The following CIB1 variants were observed in gnomAD, a reference collection of about 807,000 sequenced individuals.
CIB1 encodes the protein calcium and integrin binding 1, also known as calcium and integrin-binding protein 1.
In CIB1, 19 loss-of-function variants were observed where a neutral mutation model predicts 25.0. The ratio of observed to expected loss-of-function variants is 0.76; its 90% confidence interval spans 0.53 to 1.12. The LOEUF is 1.12. CIB1 is among the 50% of genes most tolerant of loss of function. The probability of loss-of-function intolerance (pLI) is 0.00; values close to 1 mark genes in which losing one functional copy is unlikely to be tolerated. For missense variants in CIB1, 236 were observed against 242.6 expected (o/e 0.97, Z 0.18); for synonymous variants, 104 against 98.5 (o/e 1.06, Z -0.33).
At chr15:90,257,779 T>G in the CIB1 span, 2 of 1,556,660 alleles carry the variant, frequency 1.3e-6, no homozygotes, top group African/African-American at 1.4e-5. Flanking sequence ...ACAGTCCCAG[T>G]AGCCCATGAA....
chr15:90,262,519 G>A, the CIB1 span: 2 of 1,517,850 alleles, frequency 1.3e-6, no homozygotes, highest in Non-Finnish European at 1.8e-6. Context: ...TCCGCCTTAA[G>A]CAGGAACAGC....
chr15:90,233,317 GAAGGAGCCGGGCTCCCC>G (rs1962547771), intron 2 of CIB1, among the ~76,000 whole-genome samples: 1 of 152,270 alleles, frequency 6.6e-6, no homozygotes, highest in Non-Finnish European at 1.5e-5. Flanking sequence ...AAAGTTGGGA[GAAGGAGCCGGGCTCCCC>G]AAGGCTTCTG....
At chr15:90,248,841 G>A in the CIB1 span, among the ~76,000 whole-genome samples, 3 of 150,330 alleles carry the variant, frequency 2.0e-5, no homozygotes, top group South Asian at 6.3e-4. Flanking sequence ...GTGACAAGTT[G>A]AGCTGAGTTG....
At chr15:90,264,922 G>A in the CIB1 span, 3 of 1,536,098 alleles carry the variant, frequency 2.0e-6, no homozygotes, top group Non-Finnish European at 2.6e-6. Flanking sequence ...CTGCACCCAT[G>A]CTGCAGCGTT....
At chr15:90,258,386 TG>T in the CIB1 span, 1 of 896,502 alleles carries the variant, frequency 1.1e-6, no homozygotes, top group Non-Finnish European at 1.8e-6. Flanking sequence ...GTGAAAGCCC[TG>T]GGGTGGGCAG....
the CIB1 span, among the ~76,000 whole-genome samples, chr15:90,254,175 AGAGT>A: frequency 7.1e-6 from 1 of 141,138 alleles, no homozygotes; most frequent in Non-Finnish European, 1.5e-5. Context: ...CCTGTGTGAC[AGAGT>A]GAGACCCTGT....
chr15:90,253,443 C>T, the CIB1 span: 1 of 1,011,934 alleles, frequency 9.9e-7, no homozygotes. Context: ...TGCCCAGGCA[C>T]CCAAGACTGC....
chr15:90,264,973 G>C, the CIB1 span: 2 of 1,532,488 alleles, frequency 1.3e-6, no homozygotes, highest in East Asian at 2.4e-5. Flanking sequence ...GGTAAAAGCA[G>C]GAGGGAAGCA....
chr15:90,256,599 TTCTTTCTTTCC>T, the CIB1 span, among the ~76,000 whole-genome samples: 1 of 33,402 alleles, frequency 3.0e-5, no homozygotes, highest in Non-Finnish European at 5.7e-5. Context: ...CTTTCTTTCT[TTCTTTCTTTCC>T]TTCCTTCCTT....
At chr15:90,241,388 C>T in the CIB1 span, 2 of 1,613,892 alleles carry the variant, frequency 1.2e-6, no homozygotes, top group East Asian at 2.2e-5. Context: ...TCAACGTCAG[C>T]CCCCTGGAGT....
the CIB1 span, chr15:90,249,956 T>TTTATTTATTTAC: frequency 6.6e-6 from 1 of 151,636 alleles, no homozygotes; most frequent in African/African-American, 2.4e-5. Context: ...ATTTTATTTA[T>TTTATTTATTTAC]TTATTTATTT....
the CIB1 span, chr15:90,256,186 A>G: frequency 6.2e-7 from 1 of 1,614,192 alleles, no homozygotes; most frequent in Non-Finnish European, 8.5e-7. Flanking sequence ...AAGCCCGCAC[A>G]TATATCTGCA....
At chr15:90,234,783 C>T (rs1962596863), upstream of CIB1, among the ~76,000 whole-genome samples, 1 of 152,170 alleles carries the variant, frequency 6.6e-6, no homozygotes, top group Non-Finnish European at 1.5e-5. Context: ...GACTGCTGAC[C>T]CTTTGCTCTT....
the CIB1 span, among the ~76,000 whole-genome samples, chr15:90,260,101 G>T: frequency 6.0e-3 from 919 of 152,334 alleles, 8 homozygotes; most frequent in African/African-American, 0.021. Flanking sequence ...CTGTGTACCT[G>T]AGGGTCATGA....
chr15:90,264,284 G>A, the CIB1 span, among the ~76,000 whole-genome samples: 2 of 152,020 alleles, frequency 1.3e-5, no homozygotes, highest in African/African-American at 4.8e-5. Context: ...CTCCACTCAC[G>A]GGCTCAAGTA....
rs201298867 is a variant in CIB1, at chr15:90,231,100, C to A, written c.460G>T (p.Asp154Tyr). 4 of 1,613,928 alleles carry A rather than the reference C, an allele frequency of 2.5e-6. No individual in the cohort carries two copies. The highest frequency in any genetic ancestry group is 3.4e-6 in the Non-Finnish European group (4 of 1,179,790). Reference sequence around the variant, plus strand: ...AGGCCTGCTCAGCTGCTCACGTTGTCGATGAGCTGCTTCATCTCAGACGCA... The same window carrying A: ...AGGCCTGCTCAGCTGCTCACGTTGTAGATGAGCTGCTTCATCTCAGACGCA... ...LSASEMKQLI[D>Y]NILEESDIDR... The change falls in exon 5 of 7, where the codon GAC becomes TAC. Residue 154 changes from aspartate (D) to tyrosine (Y), a missense_variant. Physicochemically the swap from Asp to Tyr is radical, Grantham distance 160. Transcript: ENST00000328649.
At chr15:90,265,638 C>G in the CIB1 span, 1 of 1,574,232 alleles carries the variant, frequency 6.4e-7, no homozygotes, top group Non-Finnish European at 8.7e-7. Flanking sequence ...CGGCCCGCCC[C>G]TTCCACTTCC....
At chr15:90,245,671 TG>T in the CIB1 span, 1 of 152,138 alleles carries the variant, frequency 6.6e-6, no homozygotes, top group Non-Finnish European at 1.5e-5. Context: ...AAGTGGATTT[TG>T]CGTTCAAAGT....
chr15:90,257,940 C>G, the CIB1 span: 2 of 1,209,658 alleles, frequency 1.7e-6, no homozygotes, highest in African/African-American at 3.0e-5. Context: ...CCTTCAAAGC[C>G]CGGGCATGCA....
Sources: gnomAD v4.1 joint callset for allele counts (sites outside exome capture counted in the v4.1 genomes callset) on GRCh38, gnomAD v4.1.1 for gene constraint, MANE v1.5 for transcripts, NCBI Gene and HGNC (gene_info 2026-07-23, HGNC 2026-07-21) for gene names.